METAP2: variants seen among roughly 807,000 people sequenced by gnomAD.
METAP2 encodes the protein methionine aminopeptidase 2.
Under a neutral mutation model 59.4 loss-of-function variants are expected in METAP2, and 25 were observed. The ratio of observed to expected loss-of-function variants is 0.42; its 90% CI spans 0.31 to 0.59. METAP2 has a LOEUF of 0.59. Ranked by LOEUF, METAP2 falls within the 20% of genes least tolerant of loss-of-function variation. The pLI is 0.16. For synonymous variants in METAP2, 214 were observed against 194.1 expected, an observed-to-expected ratio of 1.10 and a Z score of -0.85; for missense variants, 366 against 581.2, an observed-to-expected ratio of 0.63 and a Z score of 3.81.
At chr12:95,508,977 T>G (rs926043665) in intron 8 of METAP2, among the ~76,000 whole-genome samples, 1 of 152,144 alleles carries the variant, frequency 6.6e-6, no homozygotes, top group African/African-American at 2.4e-5. Context: ...AGAAATGGAT[T>G]CCGGGTTGAA....
intron 2 of METAP2, among the ~76,000 whole-genome samples, chr12:95,479,692 T>C (rs2076145065): frequency 6.6e-6 from 1 of 151,628 alleles, no homozygotes; most frequent in Non-Finnish European, 1.5e-5. Flanking sequence ...CACTGCAACC[T>C]CTGCCTTCCG....
intron 4 of METAP2, among the ~76,000 whole-genome samples, chr12:95,493,226 AG>A (rs1459984492): frequency 6.6e-6 from 1 of 152,208 alleles, no homozygotes; most frequent in Non-Finnish European, 1.5e-5. Context: ...CTGTAATCCC[AG>A]CCACTCAGGA....
At position 95,513,926 on chromosome 12, in the gene METAP2, A is replaced by T. The variant is rs766155534; in HGVS notation, c.*22A>T. On this transcript the variant is annotated 3_prime_UTR_variant, in exon 11 of 11. Coordinates refer to ENST00000323666, the MANE Select transcript of METAP2 (RefSeq NM_006838.4). ...TTAAACTTAGTCCAAAGCCACCTCA[A>T]CACCTTTATTTTCTGAGCTTTGTTG... The T allele has an allele frequency of 1.4e-5, 23 of 1,590,748 alleles. No individual in the cohort carries two copies. Among genetic ancestry groups the T allele is most frequent in the Non-Finnish European group, 1.9e-5 (22 of 1,168,098 alleles).
At chr12:95,507,189 A>C (rs74609950) in intron 8 of METAP2, among the ~76,000 whole-genome samples, 4,412 of 152,258 alleles carry the variant, frequency 0.029, 205 homozygotes, top group African/African-American at 0.1. Context: ...TGAATACCCA[A>C]GTTTCTTGAC....
At chr12:95,503,100 G>A (rs1428157837) in intron 7 of METAP2, among the ~76,000 whole-genome samples, 1 of 151,720 alleles carries the variant, frequency 6.6e-6, no homozygotes, top group Non-Finnish European at 1.5e-5. Flanking sequence ...CCTTTGATGG[G>A]TGTTCTTATT....
chr12:95,510,016 TA>T (rs1446756118), intron 8 of METAP2, among the ~76,000 whole-genome samples: 1 of 152,128 alleles, frequency 6.6e-6, no homozygotes, highest in East Asian at 1.9e-4. Flanking sequence ...TTTATATTTT[TA>T]GTAGAGATGG....
At chr12:95,505,860 C>A (rs1330102638) in intron 8 of METAP2, among the ~76,000 whole-genome samples, 1 of 150,818 alleles carries the variant, frequency 6.6e-6, no homozygotes, top group African/African-American at 2.4e-5. Flanking sequence ...TTTGGGAGGC[C>A]AAAGTGGGTG....
At chr12:95,489,769 C>T (rs571967233) in intron 4 of METAP2, among the ~76,000 whole-genome samples, 18 of 152,202 alleles carry the variant, frequency 1.2e-4, no homozygotes, top group African/African-American at 3.1e-4. Flanking sequence ...ACCTGGGAGG[C>T]GGAGGTTGCG....
intron 8 of METAP2, among the ~76,000 whole-genome samples, chr12:95,504,755 C>T (rs1425764511): frequency 6.6e-6 from 1 of 152,218 alleles, no homozygotes; most frequent in East Asian, 1.9e-4. Context: ...CCTCCCACCT[C>T]AGCCTCCCAA....
At chr12:95,492,700 G>C (rs1261513816) in intron 4 of METAP2, among the ~76,000 whole-genome samples, 1 of 152,020 alleles carries the variant, frequency 6.6e-6, no homozygotes, top group Non-Finnish European at 1.5e-5. Flanking sequence ...TGAGTAGCTG[G>C]GATTACAGGG....
chr12:95,476,943 G>T (rs1016246227), intron 2 of METAP2, among the ~76,000 whole-genome samples: 7 of 151,946 alleles, frequency 4.6e-5, no homozygotes, highest in Non-Finnish European at 8.8e-5. Flanking sequence ...TATTTATTTT[G>T]ACTTTACCCA....
At chr12:95,479,122 G>A (rs1036178764) in intron 2 of METAP2, among the ~76,000 whole-genome samples, 1 of 152,180 alleles carries the variant, frequency 6.6e-6, no homozygotes, top group Admixed American at 6.5e-5. Flanking sequence ...GGCTTTACCT[G>A]TATACAGGGT....
chr12:95,504,657 C>A (rs996734308), intron 8 of METAP2, among the ~76,000 whole-genome samples: 1 of 151,988 alleles, frequency 6.6e-6, no homozygotes, highest in African/African-American at 2.4e-5. Context: ...GTGTGGGCCA[C>A]CATGCCCGGC....
chr12:95,488,452 T>G (rs1330702399), intron 4 of METAP2, among the ~76,000 whole-genome samples: 1 of 138,388 alleles, frequency 7.2e-6, no homozygotes, highest in Non-Finnish European at 1.5e-5. Flanking sequence ...GAGGTTGCAG[T>G]GAGCTGAGAT....
chr12:95,513,535 A>G (rs566233747), intron 10 of METAP2, 117 bp from the exon 11 acceptor site: 10 of 1,172,670 alleles, frequency 8.5e-6, no homozygotes, highest in African/African-American at 4.6e-5. Flanking sequence ...AAGAGCAACA[A>G]TAAAAGTTTT....
intron 7 of METAP2, among the ~76,000 whole-genome samples, chr12:95,500,898 A>C (rs1021790514): frequency 6.6e-6 from 1 of 152,024 alleles, no homozygotes; most frequent in Non-Finnish European, 1.5e-5. Context: ...ATGACTTAGA[A>C]AGTATTCTCT....
At chr12:95,491,353 A>G (rs527757787) in intron 4 of METAP2, among the ~76,000 whole-genome samples, 134 of 152,258 alleles carry the variant, frequency 8.8e-4, no homozygotes, top group Non-Finnish European at 1.8e-3. Context: ...TTCTACATTT[A>G]TTAGGTGATA....
intron 7 of METAP2, among the ~76,000 whole-genome samples, chr12:95,498,454 A>G (rs1319716340): frequency 1.3e-5 from 2 of 151,940 alleles, no homozygotes; most frequent in Admixed American, 6.6e-5. Context: ...CAGTTTGTCT[A>G]TTTTTTCTTT....
At chr12:95,482,011 T>A (rs2076161799) in intron 2 of METAP2, 1 of 354,294 alleles carries the variant, frequency 2.8e-6, no homozygotes, top group Non-Finnish European at 5.8e-6. Context: ...AACGTTACAG[T>A]GCACGATATG....
Sources: allele counts gnomAD v4.1 joint callset (sites outside exome capture counted in the v4.1 genomes callset), GRCh38; gene constraint gnomAD v4.1.1; transcripts MANE v1.5; gene names NCBI Gene and HGNC (gene_info 2026-07-23, HGNC 2026-07-21).